Variants in BTN3A1 observed in about 807,000 individuals in gnomAD.
BTN3A1 encodes the protein butyrophilin subfamily 3 member A1.
In BTN3A1, 24 loss-of-function variants were observed where a neutral mutation model predicts 43.0. The ratio of observed to expected loss-of-function variants is 0.56; its 90% CI spans 0.40 to 0.78. The LOEUF (loss-of-function observed/expected upper bound fraction) is 0.78. BTN3A1 is among the 30% of genes least tolerant of loss of function. The pLI is 0.00. For synonymous variants in BTN3A1, 181 were observed against 234.7 expected (o/e 0.77, Z 2.09); for missense variants, 533 against 626.2 (o/e 0.85, Z 1.59).
At chr6:26,410,508 C>A (rs1762172831) in intron 7 of BTN3A1, among the ~76,000 whole-genome samples, 2 of 151,814 alleles carry the variant, frequency 1.3e-5, no homozygotes, top group African/African-American at 4.8e-5. Context: ...TAATAAAGAA[C>A]AAGAAAATCT....
chr6:26,411,071 C>G, intron 7 of BTN3A1, 38 bp from the exon 8 acceptor site: 1 of 1,544,760 alleles, frequency 6.5e-7, no homozygotes, highest in African/African-American at 1.4e-5. Context: ...TCAAAAATGG[C>G]AAGTTCAGGT....
chr6:26,410,573 G>T (rs966321706), intron 7 of BTN3A1, among the ~76,000 whole-genome samples: 5 of 152,022 alleles, frequency 3.3e-5, no homozygotes, highest in South Asian at 2.1e-4. Flanking sequence ...CTGAACAGTC[G>T]CTCAGTTGGT....
At chr6:26,411,228 G>C in intron 8 of BTN3A1, 93 bp downstream of exon 8, 1 of 1,462,156 alleles carries the variant, frequency 6.8e-7, no homozygotes. Context: ...GTTCTCATTT[G>C]CATGAATCAG....
chr6:26,413,469 A>C lies in BTN3A1; in HGVS notation c.1319A>C (p.Lys440Thr), dbSNP rs753391625. ...ACTATGGGGCTGACTGATGGGAATA[A>C]GTATCGGACTCTAACTGAGCCCAGA... The part of the protein sequence containing the change: ...FWTMGLTDGN[K>T]YRTLTEPRTN... The change falls in exon 10 of 10, where the codon AAG becomes ACG. Residue 440 changes from lysine to threonine, a missense_variant. This residue lies in a region of BTN3A1 where 415 missense variants were observed against 427.0 expected (regional missense o/e 0.97). Transcript: ENST00000289361. The C allele has an allele frequency of 5.0e-6, 8 of 1,614,060 alleles. No homozygotes were observed. Among genetic ancestry groups the C allele is most frequent in the African/African-American group, 1.3e-5 (1 of 74,908 alleles).
intron 9 of BTN3A1, 73 bp from the exon 10 acceptor site, chr6:26,413,096 G>A: frequency 6.4e-7 from 1 of 1,554,382 alleles, no homozygotes; most frequent in Non-Finnish European, 8.7e-7. Context: ...CATGGCCCAG[G>A]CCTTGCATGC....
chr6:26,405,359 C>T lies in BTN3A1; in HGVS notation c.-192-13C>T, dbSNP rs2113785981. On this transcript the variant is annotated splice_polypyrimidine_tract_variant and intron_variant, in intron 1 of 9. Coordinates refer to ENST00000289361, the MANE Select transcript of BTN3A1 (RefSeq NM_007048.6). The stretch of plus-strand genomic sequence containing the variant: ...ATAACAGATGTGCATTTCACATAGA[C>T]ATGTTTTTACAGGTGATTTTCAATG... The T allele has an allele frequency of 1.7e-6, 1 of 604,668 alleles. No homozygotes were observed. Among genetic ancestry groups the T allele is most frequent in the East Asian group, 2.7e-5 (1 of 36,368 alleles). The allele number at this position is 604,668 out of a possible 1,614,324, so 37.5% of individuals were successfully genotyped here. A position where few individuals can be genotyped will look rare whatever the true frequency, so the allele number is the denominator to read the frequency against.
chr6:26,410,724 A>AAT (rs1349674948), intron 7 of BTN3A1, among the ~76,000 whole-genome samples: 2 of 150,524 alleles, frequency 1.3e-5, no homozygotes, highest in South Asian at 2.1e-4. Context: ...CACACATTTA[A>AAT]ATATATATAT....
intron 1 of BTN3A1, among the ~76,000 whole-genome samples, chr6:26,402,888 G>T (rs959103167): frequency 6.6e-6 from 1 of 152,122 alleles, no homozygotes; most frequent in Non-Finnish European, 1.5e-5. Context: ...CAGCCTTTAG[G>T]AATCGTGTTT....
Position 26,405,407 on chromosome 6 carries a change from C to G in BTN3A1, c.-157C>G. The G allele has an allele frequency of 1.5e-6, 1 of 661,744 alleles. No individual in the cohort carries two copies. The allele number at this position is 661,744 out of a possible 1,614,324, so 41.0% of individuals were successfully genotyped here. ...ATGTTGGGACTCAAAGGTGAAGACA[C>G]TGAAGGACAGAATTTTTGGCAGAGG... On this transcript the variant is annotated 5_prime_UTR_variant, in exon 2 of 10. Transcript: ENST00000289361.
In BTN3A1 at chr6:26,411,908, A is replaced by C. The variant is rs1581632964; in HGVS notation, c.1018+327A>C. 1.1e-5 allele frequency: 3 copies of C among 279,032 alleles called. No individual in the cohort carries two copies. The East Asian group carries it at 2.2e-4, about 20-fold the overall frequency. The allele number at this position is 279,032 out of a possible 1,614,324, so 17.3% of individuals were successfully genotyped here. A position where few individuals can be genotyped will look rare whatever the true frequency, so the allele number is the denominator to read the frequency against. On this transcript the variant is annotated intron_variant, in intron 9 of 9. Transcript: ENST00000289361. Reference sequence around the variant, plus strand: ...AGAGTGAGGATGGAAATGCCAAGGAAAGGAGGCGATGCCTGCCCAAAGAAC... The same window carrying C: ...AGAGTGAGGATGGAAATGCCAAGGACAGGAGGCGATGCCTGCCCAAAGAAC...
intron 1 of BTN3A1, among the ~76,000 whole-genome samples, chr6:26,403,040 C>A (rs1289078182): frequency 6.6e-6 from 1 of 152,114 alleles, no homozygotes; most frequent in African/African-American, 2.4e-5. Flanking sequence ...CCAATGGATA[C>A]AATCTATTTC....
intron 9 of BTN3A1, chr6:26,412,710 G>A: frequency 1.3e-6 from 2 of 1,551,448 alleles, no homozygotes; most frequent in Non-Finnish European, 1.7e-6. Flanking sequence ...TTCAGGTGAG[G>A]AAATGCTTCA....
rs373660072 is a variant in BTN3A1 at position 26,411,091 on chromosome 6, A to G, written c.965-18A>G. The G allele has an allele frequency of 3.0e-5, 48 of 1,602,874 alleles. No homozygotes were observed. The highest frequency in any genetic ancestry group is 3.8e-5 in the Non-Finnish European group (45 of 1,175,400). On this transcript the variant is annotated intron_variant, in intron 7 of 9. Coordinates refer to ENST00000289361, the MANE Select transcript of BTN3A1 (RefSeq NM_007048.6). Reference sequence around the variant, plus strand: ...AATGGCAAGTTCAGGTGACATCTCTATCTTTTTTTCATTGTAGGGGGAGAG... The same window carrying G: ...AATGGCAAGTTCAGGTGACATCTCTGTCTTTTTTTCATTGTAGGGGGAGAG...
chr6:26,409,982 C>G (rs1762155191), intron 6 of BTN3A1, 24 bp from the exon 7 acceptor site: 2 of 1,614,068 alleles, frequency 1.2e-6, no homozygotes, highest in African/African-American at 1.3e-5. Context: ...CTTGATGCAT[C>G]TTCCCCTGTT....
intron 7 of BTN3A1, among the ~76,000 whole-genome samples, chr6:26,410,607 A>G (rs1762176094): frequency 6.6e-6 from 1 of 152,116 alleles, no homozygotes; most frequent in Non-Finnish European, 1.5e-5. Context: ...AACTGACTTC[A>G]AACACTAGTC....
chr6:26,410,116 G>C, intron 7 of BTN3A1, 84 bp downstream of exon 7: 1 of 1,570,902 alleles, frequency 6.4e-7, no homozygotes, highest in Admixed American at 1.7e-5. Flanking sequence ...CTTTCCCCAA[G>C]GTTGGGAAGT....
chr6:26,412,646 A>G, intron 9 of BTN3A1: 1 of 1,550,638 alleles, frequency 6.4e-7, no homozygotes. Context: ...TGGGCTGAGT[A>G]AATAACATGA....
At chr6:26,408,580 T>A (rs1321228420) in intron 4 of BTN3A1, among the ~76,000 whole-genome samples, 1 of 152,268 alleles carries the variant, frequency 6.6e-6, no homozygotes, top group African/African-American at 2.4e-5. Context: ...TATATAACAA[T>A]ATCTATCCAA....
intron 9 of BTN3A1, chr6:26,412,299 C>T (rs59438701): frequency 0.11 from 67,730 of 610,222 alleles, 4,382 homozygotes; most frequent in Non-Finnish European, 0.12. Flanking sequence ...AGAGGGCTCC[C>T]TGAGAAGAGT....
Sources: allele counts gnomAD v4.1 joint callset (sites outside exome capture counted in the v4.1 genomes callset), GRCh38; gene constraint gnomAD v4.1.1; regional missense constraint gnomAD v4.1.1; transcripts MANE v1.5; gene names NCBI Gene and HGNC (gene_info 2026-07-23, HGNC 2026-07-21).